The following PDE1C variants were observed in gnomAD, a reference collection of about 807,000 sequenced individuals.
PDE1C encodes the protein dual specificity calcium/calmodulin-dependent 3',5'-cyclic nucleotide phosphodiesterase 1C.
PDE1C carries 62 observed loss-of-function variants against 93.1 expected under a neutral mutation model. The observed-to-expected ratio is 0.67, with a 90% confidence interval of 0.54 to 0.82. The LOEUF (loss-of-function observed/expected upper bound fraction) is 0.82. PDE1C is among the 40% of genes least tolerant of loss of function. The pLI is 0.00. For missense variants in PDE1C, 742 were observed against 884.6 expected, an observed-to-expected ratio of 0.84 and a Z score of 2.04; for synonymous variants, 325 against 310.1, an observed-to-expected ratio of 1.05 and a Z score of -0.50.
the PDE1C span, among the ~76,000 whole-genome samples, chr7:31,667,269 G>A: frequency 5.8e-4 from 89 of 152,260 alleles, no homozygotes; most frequent in African/African-American, 2.1e-3. Context: ...TGAATCTTTG[G>A]GAAGGAGTCT....
the PDE1C span, among the ~76,000 whole-genome samples, chr7:31,647,742 G>A: frequency 1.3e-5 from 2 of 151,370 alleles, no homozygotes; most frequent in African/African-American, 2.4e-5. Flanking sequence ...GACAATGGGA[G>A]TTCTGAGCAG....
At chr7:32,347,384 T>C (rs1373104232) in intron 1 of PDE1C, among the ~76,000 whole-genome samples, 1 of 152,222 alleles carries the variant, frequency 6.6e-6, no homozygotes. Flanking sequence ...TTTCTGTTAT[T>C]AGAATAAGAA....
At chr7:32,283,536 T>C (rs965950044) in intron 1 of PDE1C, among the ~76,000 whole-genome samples, 9 of 152,366 alleles carry the variant, frequency 5.9e-5, no homozygotes, top group Admixed American at 3.9e-4. Flanking sequence ...AATTAAGCTT[T>C]TTCTCTTTTT....
At chr7:31,970,863 T>C (rs1268763502) in intron 2 of PDE1C, among the ~76,000 whole-genome samples, 2 of 152,156 alleles carry the variant, frequency 1.3e-5, no homozygotes, top group African/African-American at 4.8e-5. Context: ...AGAAAGAGTG[T>C]TGGGTGTGGT....
intron 1 of PDE1C, among the ~76,000 whole-genome samples, chr7:32,346,106 C>T (rs215681): frequency 0.8 from 121,833 of 152,224 alleles, 49,117 homozygotes; most frequent in Admixed American, 0.85. Context: ...GATAAGCAAA[C>T]GATATGTCAT....
intron 2 of PDE1C, among the ~76,000 whole-genome samples, chr7:32,028,607 C>A (rs182522774): frequency 2.6e-5 from 4 of 151,886 alleles, no homozygotes; most frequent in African/African-American, 7.3e-5. Context: ...TTATGGGGTA[C>A]AAAGTGATGT....
chr7:32,424,714 A>T (rs909792307), intron 1 of PDE1C, among the ~76,000 whole-genome samples: 2 of 152,158 alleles, frequency 1.3e-5, no homozygotes, highest in African/African-American at 2.4e-5. Context: ...CAGGAGGCTG[A>T]AATAGGAGGA....
the PDE1C span, among the ~76,000 whole-genome samples, chr7:31,672,573 T>C: frequency 6.6e-6 from 1 of 152,206 alleles, no homozygotes; most frequent in South Asian, 2.1e-4. Flanking sequence ...TTTTTCCTTT[T>C]TTATTTTTTA....
At chr7:32,023,054 C>T (rs1291889942) in intron 2 of PDE1C, among the ~76,000 whole-genome samples, 1 of 151,822 alleles carries the variant, frequency 6.6e-6, no homozygotes, top group East Asian at 1.9e-4. Context: ...ATTTAATGCA[C>T]ATACACAAGA....
intron 1 of PDE1C, among the ~76,000 whole-genome samples, chr7:32,255,403 T>C (rs1809719327): frequency 6.6e-6 from 1 of 152,118 alleles, no homozygotes; most frequent in Admixed American, 6.5e-5. Flanking sequence ...CTTTTTAACT[T>C]GAGAGCGCAT....
upstream of PDE1C, among the ~76,000 whole-genome samples, chr7:32,074,452 A>T (rs897427542): frequency 6.6e-6 from 1 of 152,244 alleles, no homozygotes; most frequent in Admixed American, 6.5e-5. Context: ...AAGTAAAGAC[A>T]GAAAGGGCTC....
intron 2 of PDE1C, among the ~76,000 whole-genome samples, chr7:31,948,714 T>G (rs961601465): frequency 6.6e-6 from 1 of 152,118 alleles, no homozygotes; most frequent in Non-Finnish European, 1.5e-5. Context: ...GTTTTGGGTG[T>G]TTTTTGTTCC....
At chr7:31,954,482 G>A (rs1362425948) in intron 2 of PDE1C, among the ~76,000 whole-genome samples, 1 of 152,106 alleles carries the variant, frequency 6.6e-6, no homozygotes, top group African/African-American at 2.4e-5. Flanking sequence ...TGCTTTCATG[G>A]TTTCCTTTCC....
At chr7:32,216,181 G>C (rs1806417037) in intron 1 of PDE1C, among the ~76,000 whole-genome samples, 2 of 152,168 alleles carry the variant, frequency 1.3e-5, no homozygotes, top group Admixed American at 6.5e-5. Flanking sequence ...GGGGGAAGGA[G>C]ACTTGGTGCA....
chr7:31,867,125 G>A (rs1301282195), intron 6 of PDE1C, among the ~76,000 whole-genome samples: 1 of 152,018 alleles, frequency 6.6e-6, no homozygotes, highest in Non-Finnish European at 1.5e-5. Context: ...ACTGTGGCTG[G>A]CTGTTGCCTC....
At chr7:32,024,283 T>C (rs959004102) in intron 2 of PDE1C, among the ~76,000 whole-genome samples, 7 of 151,888 alleles carry the variant, frequency 4.6e-5, no homozygotes, top group Non-Finnish European at 1.0e-4. Flanking sequence ...GGGAAATTTA[T>C]AAAATGTCTG....
At chr7:31,633,348 A>G in the PDE1C span, among the ~76,000 whole-genome samples, 1 of 152,176 alleles carries the variant, frequency 6.6e-6, no homozygotes, top group Non-Finnish European at 1.5e-5. Flanking sequence ...CGAATTTCCT[A>G]AAACGTATGA....
chr7:31,966,542 C>A (rs1163850310), intron 2 of PDE1C, among the ~76,000 whole-genome samples: 1 of 152,178 alleles, frequency 6.6e-6, no homozygotes, highest in Admixed American at 6.5e-5. Flanking sequence ...CAACATTAGA[C>A]AGATCAATGA....
At position 31,824,908 on chromosome 7, in the gene PDE1C, A is replaced by G. The variant is rs1360333585; in HGVS notation, c.1365T>C (p.Asp455=). The change falls in exon 13 of 18, where the codon GAT becomes GAC. Residue 455 remains aspartate (D), a synonymous_variant. Coordinates refer to ENST00000396191, the MANE Select transcript of PDE1C (RefSeq NM_001191057.4). ...CTGTCCCACCAGTTTGAGAGGTTTC[A>G]TCGATTAATGGACTCACAATCTTCT... ...MTEKIVSPLI[D]ETSQTGGTGQ... The G allele has an allele frequency of 1.2e-6, 2 of 1,613,346 alleles. No individual in the cohort carries two copies. Among genetic ancestry groups the G allele is most frequent in the Non-Finnish European group, 1.7e-6 (2 of 1,179,500 alleles).
Sources: allele counts gnomAD v4.1 joint callset (sites outside exome capture counted in the v4.1 genomes callset), GRCh38; gene constraint gnomAD v4.1.1; transcripts MANE v1.5; gene names NCBI Gene and HGNC (gene_info 2026-07-23, HGNC 2026-07-21).